NWD2: variants seen among roughly 807,000 people sequenced by gnomAD.
NWD2 encodes NACHT and WD repeat domain containing 2.
In NWD2, 37 loss-of-function variants were observed where a neutral mutation model predicts 132.7. That is an observed-to-expected ratio of 0.28 (90% CI 0.21 to 0.37). The LOEUF (loss-of-function observed/expected upper bound fraction) is 0.37, where lower values mean the gene tolerates loss of function less well. Among genes scored for constraint, NWD2 ranks in the 10% least tolerant of loss-of-function variants. The pLI, the probability that NWD2 is intolerant of heterozygous loss-of-function variation, is 1.00. For missense variants in NWD2, 1,592 were observed against 2,122.4 expected (o/e 0.75, Z 4.91); for synonymous variants, 705 against 803.0 (o/e 0.88, Z 2.06).
intron 1 of NWD2, among the ~76,000 whole-genome samples, chr4:37,251,671 G>A (rs1717362953): frequency 6.6e-6 from 1 of 152,204 alleles, no homozygotes. Context: ...TCTTATGCAG[G>A]TGCATCCCTT....
At position 37,348,663 on chromosome 4, in the gene NWD2, T is replaced by C. The variant is rs867219109; in HGVS notation, c.241-7703T>C. Among the ~76,000 whole-genome samples the C allele has an allele frequency of 8.1e-3, 601 of 74,292 alleles. 27 individuals are homozygous for C. Among genetic ancestry groups the C allele is most frequent in the African/African-American group, 0.027 (571 of 21,156 alleles). The allele number at this position is 74,292 out of a possible 152,430, so 48.7% of individuals were successfully genotyped here. A position where few individuals can be genotyped will look rare whatever the true frequency, so the allele number is the denominator to read the frequency against. Reference sequence around the variant, plus strand: ...ATATATATATATATATATATATATATATATATATATATACACACACACACA... The same window carrying C: ...ATATATATATATATATATATATATACATATATATATATACACACACACACA... On this transcript the variant is annotated intron_variant, in intron 2 of 6. Coordinates refer to ENST00000309447, the MANE Select transcript of NWD2 (RefSeq NM_001144990.2).
At position 37,306,127 on chromosome 4, in the gene NWD2, G is replaced by A. The variant is rs982300038; in HGVS notation, c.152-19809G>A. Among the ~76,000 whole-genome samples the A allele has an allele frequency of 2.4e-4, 36 of 152,108 alleles. 1 individual carries two copies. The highest frequency in any genetic ancestry group is 2.3e-3 in the Admixed American group (35 of 15,278). On this transcript the variant is annotated intron_variant, in intron 1 of 6. Coordinates refer to ENST00000309447, the MANE Select transcript of NWD2 (RefSeq NM_001144990.2). ...TTTGTAGATTTTCCATTTTGTTTGT[G>A]TAGCATTATGCATAATAGTCTGTAA...
intron 3 of NWD2, among the ~76,000 whole-genome samples, chr4:37,399,605 C>G (rs1720863647): frequency 6.6e-6 from 1 of 152,176 alleles, no homozygotes; most frequent in East Asian, 1.9e-4. Context: ...AGACCTCTTT[C>G]TCCAATTCTG....
Position 37,444,636 on chromosome 4 carries a change from A to G in NWD2, c.2648A>G (p.Tyr883Cys), listed in dbSNP as rs1577704854. ...VLSDIELAYNYSQEKELKFLA... is the reference protein window; with the variant it reads ...VLSDIELAYNCSQEKELKFLA... ...TCAGACATTGAGCTGGCTTACAACT[A>G]CTCGCAAGAGAAGGAGCTGAAGTTC... The change falls in exon 7 of 7, where the codon TAC becomes TGC. Residue 883 changes from tyrosine (Y) to cysteine (C), a missense_variant. Transcript: ENST00000309447. The surrounding 1 kb of genome is among the most constrained non-coding windows in gnomAD (Gnocchi z 4.8). 1.3e-6 allele frequency: 2 copies of G among 1,552,084 alleles called. No homozygotes were observed. The highest frequency in any genetic ancestry group is 4.9e-5 in the East Asian group (2 of 40,924).
At chr4:37,435,288 C>T (rs1428085554) in intron 5 of NWD2, among the ~76,000 whole-genome samples, 1 of 152,176 alleles carries the variant, frequency 6.6e-6, no homozygotes, top group Non-Finnish European at 1.5e-5. Context: ...GCAAAGCATT[C>T]GTGAAAACCT....
intron 3 of NWD2, among the ~76,000 whole-genome samples, chr4:37,418,072 G>A (rs2109321637): frequency 6.6e-6 from 1 of 152,104 alleles, no homozygotes; most frequent in African/African-American, 2.4e-5. Flanking sequence ...TCTAATAAAA[G>A]GAATAAGGGC....
intron 3 of NWD2, among the ~76,000 whole-genome samples, chr4:37,363,895 G>A (rs1362752608): frequency 1.3e-5 from 2 of 152,022 alleles, no homozygotes; most frequent in African/African-American, 2.4e-5. Context: ...AGGCCAAGGC[G>A]GGTGGATCAT....
At chr4:37,374,435 G>A (rs918180027) in intron 3 of NWD2, among the ~76,000 whole-genome samples, 12 of 152,142 alleles carry the variant, frequency 7.9e-5, no homozygotes, top group African/African-American at 2.7e-4. Flanking sequence ...TAATACAGGT[G>A]GATTGCAGGG....
intron 3 of NWD2, among the ~76,000 whole-genome samples, chr4:37,403,074 GA>G (rs1720927637): frequency 6.6e-6 from 1 of 152,036 alleles, no homozygotes; most frequent in Non-Finnish European, 1.5e-5. Context: ...TCTACTAGAA[GA>G]AAAGGTGTGG....
At chr4:37,285,481 C>T (rs944905915) in intron 1 of NWD2, among the ~76,000 whole-genome samples, 1 of 151,812 alleles carries the variant, frequency 6.6e-6, no homozygotes, top group Non-Finnish European at 1.5e-5. Flanking sequence ...TAGAAAAAGA[C>T]AATAGGGCAG....
chr4:37,414,336 T>A (rs536165063), intron 3 of NWD2, among the ~76,000 whole-genome samples: 1 of 152,220 alleles, frequency 6.6e-6, no homozygotes, highest in East Asian at 1.9e-4. Flanking sequence ...CTTTTGAGCA[T>A]GTATGAAAGT....
intron 1 of NWD2, among the ~76,000 whole-genome samples, chr4:37,302,232 C>A (rs954463843): frequency 2.1e-4 from 32 of 152,058 alleles, no homozygotes; most frequent in Middle Eastern, 3.4e-3. Context: ...TGTGCCTGAC[C>A]TATCTCACCT....
intron 1 of NWD2, among the ~76,000 whole-genome samples, chr4:37,263,318 C>T (rs1288625074): frequency 6.6e-6 from 1 of 152,094 alleles, no homozygotes; most frequent in African/African-American, 2.4e-5. Flanking sequence ...AACATTAATG[C>T]ATGGACAGAA....
At chr4:37,270,989 T>C (rs1717860557) in intron 1 of NWD2, among the ~76,000 whole-genome samples, 1 of 151,846 alleles carries the variant, frequency 6.6e-6, no homozygotes, top group African/African-American at 2.4e-5. Flanking sequence ...TGCCATCTGT[T>C]AAAAAGACTT....
intron 2 of NWD2, among the ~76,000 whole-genome samples, chr4:37,351,461 T>TTGCA (rs1475207687): frequency 6.6e-6 from 1 of 152,238 alleles, no homozygotes. Flanking sequence ...TCTAATTTAT[T>TTGCA]TGCAAAGAGG....
At chr4:37,405,421 T>TAATAG (rs36213513) in intron 3 of NWD2, among the ~76,000 whole-genome samples, 6,451 of 141,224 alleles carry the variant, frequency 0.046, 272 homozygotes, top group African/African-American at 0.052. Context: ...TAGTTGAATG[T>TAATAG]AATAGAATAG....
intron 6 of NWD2, among the ~76,000 whole-genome samples, chr4:37,442,266 A>G (rs551214352): frequency 2.0e-5 from 3 of 152,340 alleles, no homozygotes; most frequent in East Asian, 3.9e-4. Flanking sequence ...AATTCCAAGG[A>G]TAACTGAAAG....
chr4:37,335,890 C>T (rs750788253), intron 2 of NWD2, among the ~76,000 whole-genome samples: 1 of 148,594 alleles, frequency 6.7e-6, no homozygotes, highest in Non-Finnish European at 1.5e-5. Flanking sequence ...GGTGGTTGAT[C>T]GATTTCAATT....
At chr4:37,275,924 G>A (rs944319327) in intron 1 of NWD2, among the ~76,000 whole-genome samples, 14 of 152,048 alleles carry the variant, frequency 9.2e-5, no homozygotes, top group Admixed American at 2.6e-4. Context: ...GGATCCCTTC[G>A]TTACACCTTA....
Sources: allele counts gnomAD v4.1 joint callset (sites outside exome capture counted in the v4.1 genomes callset), GRCh38; gene constraint gnomAD v4.1.1; non-coding constraint Gnocchi (gnomAD v3.1); transcripts MANE v1.5; gene names NCBI Gene and HGNC (gene_info 2026-07-23, HGNC 2026-07-21).